Variants in ATP10B observed in about 807,000 individuals in gnomAD.
The protein encoded by ATP10B is phospholipid-transporting ATPase VB.
In ATP10B, 122 loss-of-function variants were observed where a neutral mutation model predicts 141.2. The observed-to-expected ratio is 0.86, with a 90% CI of 0.75 to 1.00. The LOEUF (loss-of-function observed/expected upper bound fraction) is 1.00, where lower values mean the gene tolerates loss of function less well. Ranked by LOEUF, ATP10B falls within the 50% of genes least tolerant of loss-of-function variation. The pLI, the probability that ATP10B is intolerant of heterozygous loss-of-function variation, is 0.00. For synonymous variants in ATP10B, 685 were observed against 692.0 expected (o/e 0.99, Z 0.16); for missense variants, 1,876 against 1,825.3 (o/e 1.03, Z -0.51).
chr5:160,810,577 C>G (rs547990459), intron 1 of ATP10B, among the ~76,000 whole-genome samples: 3 of 152,116 alleles, frequency 2.0e-5, no homozygotes, highest in Non-Finnish European at 4.4e-5. Flanking sequence ...TCCATTTCAT[C>G]AAGCTTGCTA....
intron 5 of ATP10B, among the ~76,000 whole-genome samples, chr5:160,686,482 A>G (rs1004826330): frequency 6.6e-6 from 1 of 152,176 alleles, no homozygotes. Flanking sequence ...GTTTGGTTAC[A>G]TGAGTAAGTT....
At chr5:160,853,747 C>G (rs1473781008), upstream of ATP10B, among the ~76,000 whole-genome samples, 3 of 152,144 alleles carry the variant, frequency 2.0e-5, no homozygotes, top group African/African-American at 7.2e-5. Context: ...AATTAAGTGA[C>G]ACTGTCTGGC....
chr5:160,817,240 A>T (rs943085332), intron 1 of ATP10B, among the ~76,000 whole-genome samples: 1 of 152,214 alleles, frequency 6.6e-6, no homozygotes, highest in Non-Finnish European at 1.5e-5. Context: ...ACATGATTGT[A>T]TATCTAGAAA....
At chr5:160,656,134 G>A (rs1026415627) in intron 7 of ATP10B, among the ~76,000 whole-genome samples, 2 of 152,068 alleles carry the variant, frequency 1.3e-5, no homozygotes, top group Non-Finnish European at 2.9e-5. Context: ...ATTAATGATC[G>A]AATTGATCAA....
chr5:160,855,322 A>T (rs1026078923), upstream of ATP10B, among the ~76,000 whole-genome samples: 2 of 152,024 alleles, frequency 1.3e-5, no homozygotes, highest in African/African-American at 4.8e-5. Context: ...TAGTTATTTC[A>T]ATAGGTGTAT....
At chr5:160,581,016 A>AT (rs1394519672) in intron 24 of ATP10B, among the ~76,000 whole-genome samples, 2 of 152,008 alleles carry the variant, frequency 1.3e-5, no homozygotes, top group Non-Finnish European at 2.9e-5. Context: ...CCTCTTTATC[A>AT]TTTTTTATTC....
At chr5:160,676,885 G>A (rs1253231237) in intron 6 of ATP10B, among the ~76,000 whole-genome samples, 1 of 152,162 alleles carries the variant, frequency 6.6e-6, no homozygotes, top group Admixed American at 6.5e-5. Flanking sequence ...GGCTCAGAAA[G>A]TTATCTAACT....
In ATP10B at chr5:160,814,490, A is replaced by C. The variant is rs543470617; in HGVS notation, c.-575-28687T>G. Among the ~76,000 whole-genome samples the C allele has an allele frequency of 1.3e-3, 196 of 151,138 alleles. 1 individual carries two copies. Among genetic ancestry groups the C allele is most frequent in the Non-Finnish European group, 1.2e-3 (84 of 67,634 alleles). On this transcript the variant is annotated intron_variant, in intron 1 of 25. Transcript: ENST00000327245. The stretch of plus-strand genomic sequence containing the variant: ...CCAAGAAATATGGGACTATGTGAAA[A>C]GACCAAATCTACGTCTGATTGGCGT...
intron 2 of ATP10B, among the ~76,000 whole-genome samples, chr5:160,762,853 A>G (rs1300429907): frequency 1.3e-5 from 2 of 152,126 alleles, no homozygotes; most frequent in Non-Finnish European, 2.9e-5. Context: ...TAAACTTAAG[A>G]TAAAGGGATG....
chr5:160,742,382 T>G (rs1454108510), intron 2 of ATP10B, among the ~76,000 whole-genome samples: 1 of 151,796 alleles, frequency 6.6e-6, no homozygotes, highest in African/African-American at 2.4e-5. Context: ...AAAACTTAAA[T>G]TTTTGCCACT....
At chr5:160,760,866 C>T (rs1005812957) in intron 2 of ATP10B, among the ~76,000 whole-genome samples, 2 of 151,680 alleles carry the variant, frequency 1.3e-5, no homozygotes, top group South Asian at 2.1e-4. Context: ...CGCAGTAGGC[C>T]CTGCCCAAGG....
chr5:160,920,139 G>T, the ATP10B span, among the ~76,000 whole-genome samples: 4 of 152,162 alleles, frequency 2.6e-5, no homozygotes, highest in Admixed American at 6.5e-5. Context: ...AGGGAGAGTG[G>T]ACACTGAATA....
At chr5:160,658,440 A>G (rs967188807) in intron 7 of ATP10B, among the ~76,000 whole-genome samples, 3 of 152,196 alleles carry the variant, frequency 2.0e-5, no homozygotes, top group Non-Finnish European at 1.5e-5. Context: ...GTCACACATA[A>G]GTTAGGTTTA....
chr5:160,912,732 G>GAGAA, the ATP10B span, among the ~76,000 whole-genome samples: 7 of 151,906 alleles, frequency 4.6e-5, no homozygotes, highest in East Asian at 1.9e-4. Context: ...AAGAGAGAGA[G>GAGAA]AGAAAGAAAG....
chr5:160,872,319 C>G, the ATP10B span, among the ~76,000 whole-genome samples: 1 of 152,168 alleles, frequency 6.6e-6, no homozygotes, highest in Admixed American at 6.5e-5. Context: ...TTCTCCCACT[C>G]TGTGGGTTGT....
chr5:160,806,422 C>T (rs1581567803), intron 1 of ATP10B, among the ~76,000 whole-genome samples: 1 of 152,188 alleles, frequency 6.6e-6, no homozygotes, highest in African/African-American at 2.4e-5. Flanking sequence ...CAGATCCTGC[C>T]ATCTTTCCTT....
In ATP10B at chr5:160,565,884, G is replaced by T. The variant is rs774025288; in HGVS notation, c.3955C>A (p.Leu1319Met). 6 of 1,609,216 alleles carry T rather than the reference G, an allele frequency of 3.7e-6. No homozygotes were observed. The highest frequency in any genetic ancestry group is 3.4e-5 in the Admixed American group (2 of 58,700). The change falls in exon 26 of 26, where the codon CTG becomes ATG. Residue 1319 changes from leucine to methionine, a missense_variant. Physicochemically the swap from Leu to Met is conservative, Grantham distance 15. Coordinates refer to ENST00000327245, the MANE Select transcript of ATP10B (RefSeq NM_025153.3). ...AGAGACTTCCCACAAGTTCCTTGCAGAGACAGGAAAAAGTATCTGGTGGGA... is the reference window on the plus strand; with the variant it reads ...AGAGACTTCCCACAAGTTCCTTGCATAGACAGGAAAAAGTATCTGGTGGGA... ...ALLPRYFFLS[L>M]QGTCGKSLIS...
At chr5:160,864,791 CA>C in the ATP10B span, among the ~76,000 whole-genome samples, 1 of 151,808 alleles carries the variant, frequency 6.6e-6, no homozygotes, top group Non-Finnish European at 1.5e-5. Flanking sequence ...AATTAAGAAT[CA>C]AATCGAAAAC....
intron 1 of ATP10B, among the ~76,000 whole-genome samples, chr5:160,824,361 G>A (rs1252547435): frequency 3.3e-5 from 5 of 152,098 alleles, no homozygotes; most frequent in African/African-American, 9.7e-5. Context: ...CAGGTACATG[G>A]GCATGATCAC....
Sources: gnomAD v4.1 joint callset for allele counts (sites outside exome capture counted in the v4.1 genomes callset) on GRCh38, gnomAD v4.1.1 for gene constraint, MANE v1.5 for transcripts, NCBI Gene and HGNC (gene_info 2026-07-23, HGNC 2026-07-21) for gene names.